The following TMCC1 variants were observed in gnomAD, a reference collection of about 807,000 sequenced individuals.
TMCC1 encodes transmembrane and coiled-coil domains protein 1.
Under a neutral mutation model 52.4 loss-of-function variants are expected in TMCC1, and 15 were observed. That is an observed-to-expected ratio of 0.29 (90% CI 0.19 to 0.44). The LOEUF (loss-of-function observed/expected upper bound fraction) is 0.44, where lower values mean the gene tolerates loss of function less well. Ranked by LOEUF, TMCC1 falls within the 20% of genes least tolerant of loss-of-function variation. TMCC1 has a pLI of 1.00. For synonymous variants in TMCC1, 279 were observed against 301.9 expected (o/e 0.92, Z 0.79); for missense variants, 503 against 806.0 (o/e 0.62, Z 4.55).
chr3:129,739,735 A>G (rs186655215), intron 4 of TMCC1, among the ~76,000 whole-genome samples: 150 of 152,342 alleles, frequency 9.8e-4, no homozygotes, highest in African/African-American at 3.4e-3. Flanking sequence ...ATTAGCATAT[A>G]ATCTCCAAGT....
intron 2 of TMCC1, among the ~76,000 whole-genome samples, chr3:129,840,269 A>G (rs1013037602): frequency 2.7e-5 from 4 of 147,568 alleles, no homozygotes; most frequent in Non-Finnish European, 5.9e-5. Flanking sequence ...CAAGGCTGCA[A>G]TGAGCCATGA....
intron 2 of TMCC1, among the ~76,000 whole-genome samples, chr3:129,853,430 GC>G (rs958492694): frequency 3.3e-5 from 5 of 151,618 alleles, no homozygotes; most frequent in African/African-American, 9.7e-5. Flanking sequence ...TTCAAGACCA[GC>G]CTACGGAACA....
At chr3:129,677,681 G>A (rs547314964) in intron 4 of TMCC1, among the ~76,000 whole-genome samples, 1 of 152,262 alleles carries the variant, frequency 6.6e-6, no homozygotes, top group African/African-American at 2.4e-5. Flanking sequence ...TGATAATCTG[G>A]CTCTCCCTGA....
chr3:129,820,977 T>C (rs1308900144), intron 4 of TMCC1, among the ~76,000 whole-genome samples: 1 of 152,210 alleles, frequency 6.6e-6, no homozygotes, highest in Non-Finnish European at 1.5e-5. Flanking sequence ...ACTTACTTTT[T>C]TCTTTCATCT....
intron 4 of TMCC1, among the ~76,000 whole-genome samples, chr3:129,764,374 T>C (rs1319067513): frequency 6.6e-6 from 1 of 152,180 alleles, no homozygotes; most frequent in Non-Finnish European, 1.5e-5. Flanking sequence ...GAAATCAAAG[T>C]TTCCCTTTAG....
chr3:129,696,172 C>T (rs2047406426), intron 4 of TMCC1, among the ~76,000 whole-genome samples: 1 of 152,188 alleles, frequency 6.6e-6, no homozygotes, highest in Non-Finnish European at 1.5e-5. Flanking sequence ...AAACATTTGT[C>T]ACCTATTGTC....
intron 4 of TMCC1, among the ~76,000 whole-genome samples, chr3:129,825,333 C>T (rs1035812084): frequency 2.0e-4 from 30 of 152,310 alleles, no homozygotes; most frequent in African/African-American, 7.0e-4. Flanking sequence ...ACAAAAATTT[C>T]CCTTTCCTTC....
At chr3:129,892,804 G>A (rs1233931530) in intron 1 of TMCC1, 1 of 152,110 alleles carries the variant, frequency 6.6e-6, no homozygotes, top group Non-Finnish European at 1.5e-5. Context: ...GGCTGAAAAA[G>A]CAGAGATTCG....
intron 4 of TMCC1, 29 bp from the exon 5 acceptor site, chr3:129,671,293 G>A (rs981327580): frequency 1.3e-6 from 2 of 1,575,056 alleles, no homozygotes; most frequent in Non-Finnish European, 1.7e-6. Context: ...GTACATGTTA[G>A]AAGCCCAAGA....
intron 4 of TMCC1, among the ~76,000 whole-genome samples, chr3:129,799,462 T>C (rs2107769108): frequency 6.6e-6 from 1 of 152,276 alleles, no homozygotes; most frequent in East Asian, 1.9e-4. Context: ...CTCTATCCTC[T>C]CTTAGCAAGG....
chr3:129,744,704 T>G lies in TMCC1; in HGVS notation c.577-73440A>C, dbSNP rs79038867. Among the ~76,000 whole-genome samples, 1,229 of 152,284 alleles carry G rather than the reference T, an allele frequency of 8.1e-3. 10 individuals carry two copies. Among genetic ancestry groups the G allele is most frequent in the African/African-American group, 0.027 (1,123 of 41,546 alleles). ...TATATAATGTTAGTATGGTATGATA[T>G]ACAAAGAGTTTCACATATATTTGAT... is the stretch of plus-strand genomic sequence containing the variant. On this transcript the variant is annotated intron_variant, in intron 4 of 6. Coordinates refer to ENST00000393238, the MANE Select transcript of TMCC1 (RefSeq NM_001017395.5).
At chr3:129,729,119 T>C (rs757964090) in intron 4 of TMCC1, among the ~76,000 whole-genome samples, 2 of 152,118 alleles carry the variant, frequency 1.3e-5, no homozygotes, top group African/African-American at 2.4e-5. Flanking sequence ...TCAGAGTATG[T>C]TTAACTTAAA....
intron 1 of TMCC1, among the ~76,000 whole-genome samples, chr3:129,882,619 C>T (rs1560613967): frequency 3.9e-5 from 6 of 152,186 alleles, no homozygotes; most frequent in Admixed American, 1.3e-4. Flanking sequence ...ACTCAAGTGT[C>T]ATATGTCCAT....
At chr3:129,889,728 G>A (rs2061876381) in intron 1 of TMCC1, among the ~76,000 whole-genome samples, 1 of 152,096 alleles carries the variant, frequency 6.6e-6, no homozygotes, top group African/African-American at 2.4e-5. Context: ...CCTTCAAGAA[G>A]CTTGTTGTCG....
intron 1 of TMCC1, among the ~76,000 whole-genome samples, chr3:129,890,204 C>A (rs1484177276): frequency 1.3e-5 from 2 of 152,180 alleles, no homozygotes; most frequent in African/African-American, 2.4e-5. Context: ...AGTGCTCAAA[C>A]ACTTTAAGGG....
chr3:129,743,579 G>A (rs2051654608), intron 4 of TMCC1, among the ~76,000 whole-genome samples: 1 of 152,054 alleles, frequency 6.6e-6, no homozygotes, highest in Non-Finnish European at 1.5e-5. Context: ...ATGGCACCAT[G>A]GAATATGCAT....
intron 4 of TMCC1, among the ~76,000 whole-genome samples, chr3:129,697,751 G>C (rs1441908509): frequency 6.6e-6 from 1 of 152,150 alleles, no homozygotes; most frequent in African/African-American, 2.4e-5. Flanking sequence ...CCTTAGGGCA[G>C]GGGCAAAGTG....
intron 2 of TMCC1, among the ~76,000 whole-genome samples, chr3:129,842,558 T>C (rs1479075771): frequency 6.6e-6 from 1 of 152,040 alleles, no homozygotes; most frequent in Non-Finnish European, 1.5e-5. Context: ...TAATTTGACC[T>C]GAGTGACATT....
chr3:129,862,537 G>A (rs2060441729), intron 2 of TMCC1, among the ~76,000 whole-genome samples: 1 of 152,208 alleles, frequency 6.6e-6, no homozygotes, highest in Non-Finnish European at 1.5e-5. Context: ...GCTAAAGTAA[G>A]GGATGAGCTC....
Sources: gnomAD v4.1 joint callset for allele counts (sites outside exome capture counted in the v4.1 genomes callset) on GRCh38, gnomAD v4.1.1 for gene constraint, MANE v1.5 for transcripts, NCBI Gene and HGNC (gene_info 2026-07-23, HGNC 2026-07-21) for gene names.